The following SENP5 variants were observed in gnomAD, a reference collection of about 807,000 sequenced individuals.
SENP5 encodes sentrin-specific protease 5.
A neutral mutation model predicts 74.2 loss-of-function variants in SENP5; 21 were observed. The observed-to-expected ratio is 0.28, with a 90% confidence interval of 0.20 to 0.41. The LOEUF (loss-of-function observed/expected upper bound fraction) is 0.41, where lower values mean the gene tolerates loss of function less well. Ranked by LOEUF, SENP5 falls within the 10% of genes least tolerant of loss-of-function variation. The pLI is 1.00. For missense variants in SENP5, 717 were observed against 889.1 expected, an observed-to-expected ratio of 0.81 and a Z score of 2.46; for synonymous variants, 311 against 312.7, an observed-to-expected ratio of 0.99 and a Z score of 0.06.
intron 1 of SENP5, among the ~76,000 whole-genome samples, chr3:196,871,794 G>T (rs1339354517): frequency 6.6e-6 from 1 of 150,612 alleles, no homozygotes; most frequent in Non-Finnish European, 1.5e-5. Flanking sequence ...GGTGGAGGTT[G>T]CAGTGAGTCG....
At chr3:196,926,353 A>G (rs890184802) in intron 7 of SENP5, among the ~76,000 whole-genome samples, 2 of 151,728 alleles carry the variant, frequency 1.3e-5, no homozygotes, top group African/African-American at 4.8e-5. Context: ...ATGGTGGTGC[A>G]CGCCTGTAGT....
chr3:196,896,967 T>C (rs899837245), intron 2 of SENP5, among the ~76,000 whole-genome samples: 4 of 152,202 alleles, frequency 2.6e-5, no homozygotes, highest in African/African-American at 9.7e-5. Flanking sequence ...GAAATCCATG[T>C]TTATCATCTG....
rs1714950496 is a variant in SENP5, at chr3:196,907,467, A to G, written c.1884+3857A>G. Among the ~76,000 whole-genome samples the G allele has an allele frequency of 2.0e-5, 3 of 151,920 alleles. No homozygotes were observed. In the South Asian group the frequency reaches 6.2e-4, roughly 32 times the overall value. On this transcript the variant is annotated intron_variant, in intron 6 of 9. Coordinates refer to ENST00000323460, the MANE Select transcript of SENP5 (RefSeq NM_152699.5). ...AGACTCCGTCTCAAAAAAAAAAAAAAAAGATAATGGAAGATGCTTATATTC... is the reference window on the plus strand; with the variant it reads ...AGACTCCGTCTCAAAAAAAAAAAAAGAAGATAATGGAAGATGCTTATATTC...
At chr3:196,872,357 G>C (rs1298137424) in intron 1 of SENP5, among the ~76,000 whole-genome samples, 1 of 152,154 alleles carries the variant, frequency 6.6e-6, no homozygotes, top group African/African-American at 2.4e-5. Flanking sequence ...AACCTTCAAT[G>C]GCAGTATCTT....
chr3:196,880,727 C>T (rs183186672), intron 1 of SENP5, among the ~76,000 whole-genome samples: 4 of 146,516 alleles, frequency 2.7e-5, no homozygotes, highest in East Asian at 2.1e-4. Context: ...CTGTCACCTG[C>T]GCCTCCTGGG....
chr3:196,923,476 C>T lies in SENP5; in HGVS notation c.1947C>T (p.Leu649=). ...TTCACCTGGAAGTCCACTGGTCTCT[C>T]ATTACTGTGACACTCTCTAATCGAA... The part of the protein sequence containing the change: ...IPIHLEVHWS[L]ITVTLSNRII... The change falls in exon 7 of 10, where the codon CTC becomes CTT. Residue 649 remains leucine (L), a synonymous_variant. Transcript: ENST00000323460. The T allele has an allele frequency of 6.2e-7, 1 of 1,611,688 alleles. No homozygotes were observed. The highest frequency in any genetic ancestry group is 8.5e-7 in the Non-Finnish European group (1 of 1,178,114).
At chr3:196,889,661 T>C (rs1440978206) in intron 2 of SENP5, among the ~76,000 whole-genome samples, 1 of 152,216 alleles carries the variant, frequency 6.6e-6, no homozygotes, top group African/African-American at 2.4e-5. Context: ...TTCTTCCTCC[T>C]ACCAAATCCA....
intron 1 of SENP5, among the ~76,000 whole-genome samples, chr3:196,868,800 C>A (rs545789843): frequency 1.3e-5 from 2 of 151,816 alleles, no homozygotes; most frequent in South Asian, 4.2e-4. Flanking sequence ...AGAAAGCAGA[C>A]GTTAGTTATG....
At chr3:196,871,578 G>A (rs1302118794) in intron 1 of SENP5, among the ~76,000 whole-genome samples, 1 of 151,942 alleles carries the variant, frequency 6.6e-6, no homozygotes, top group African/African-American at 2.4e-5. Flanking sequence ...TATAATTTAC[G>A]GCCTGGTGCA....
chr3:196,898,906 G>GAGTTCATTGACTGT (rs1470983744), intron 2 of SENP5, among the ~76,000 whole-genome samples: 1 of 148,820 alleles, frequency 6.7e-6, no homozygotes, highest in African/African-American at 2.5e-5. Flanking sequence ...GATTCCATTC[G>GAGTTCATTGACTGT]TCTCTACTAA....
intron 2 of SENP5, among the ~76,000 whole-genome samples, chr3:196,889,280 ATACT>A (rs1173156003): frequency 6.6e-5 from 10 of 152,210 alleles, no homozygotes; most frequent in African/African-American, 2.4e-4. Context: ...CAGACCCATG[ATACT>A]TACACCTGAA....
chr3:196,927,820 G>A lies in SENP5; in HGVS notation c.2047G>A (p.Glu683Lys). The change falls in exon 8 of 10, where the codon GAA becomes AAA. Residue 683 changes from glutamate (E) to lysine (K), a missense_variant. Glu to Lys is a moderately conservative substitution (Grantham distance 56, BLOSUM62 1). Transcript: ENST00000323460. Reference sequence around the variant, plus strand: ...GAATATAAGAAAGTATTTGCTGACTGAAGCCAGAGAAAAAAATAGACCTGA... The same window carrying A: ...GAATATAAGAAAGTATTTGCTGACTAAAGCCAGAGAAAAAAATAGACCTGA... Reference protein sequence around the residue: ...VENIRKYLLTEAREKNRPEFL... With the variant: ...VENIRKYLLTKAREKNRPEFL... 1 of 1,611,018 alleles carries A rather than the reference G, an allele frequency of 6.2e-7. No individual in the cohort carries two copies. Among genetic ancestry groups the A allele is most frequent in the East Asian group, 2.2e-5 (1 of 44,854 alleles).
chr3:196,914,475 TAAA>T (rs890444960), intron 6 of SENP5: 1 of 135,444 alleles, frequency 7.4e-6, no homozygotes, highest in African/African-American at 2.8e-5. Flanking sequence ...TGCAAAAAAA[TAAA>T]AAGCCAGGCA....
chr3:196,878,565 G>A (rs185410111), intron 1 of SENP5, among the ~76,000 whole-genome samples: 2 of 152,062 alleles, frequency 1.3e-5, no homozygotes, highest in East Asian at 3.9e-4. Context: ...TATTGTTTTG[G>A]TATAAACAAC....
chr3:196,911,379 C>G (rs1715118013), intron 6 of SENP5, among the ~76,000 whole-genome samples: 1 of 152,024 alleles, frequency 6.6e-6, no homozygotes, highest in South Asian at 2.1e-4. Context: ...AATAAACCAT[C>G]AGAAAGTGGG....
rs995535349 is a variant in SENP5 at position 196,931,741 on chromosome 3, T to C, written c.*818T>C. On this transcript the variant is annotated 3_prime_UTR_variant, in exon 10 of 10. Coordinates refer to ENST00000323460, the MANE Select transcript of SENP5 (RefSeq NM_152699.5). ...AAAATCTTAACATCCATCAAACTAG[T>C]GGTCAAACAAATGAGAATGCAGCTG... 18 of 283,866 alleles carry C rather than the reference T, an allele frequency of 6.3e-5. No homozygotes were observed. Among genetic ancestry groups the C allele is most frequent in the Middle Eastern group, 4.1e-4 (1 of 2,428 alleles). The allele number at this position is 283,866 out of a possible 1,614,324, so 17.6% of individuals were successfully genotyped here.
intron 8 of SENP5, 154 bp from the exon 9 acceptor site, chr3:196,929,479 C>T: frequency 3.6e-6 from 2 of 553,588 alleles, no homozygotes; most frequent in Non-Finnish European, 6.4e-6. Context: ...CCAGGTGCCT[C>T]CATAAAATTA....
chr3:196,930,906 T>A lies in SENP5; in HGVS notation c.2251T>A (p.Cys751Ser). 6.2e-7 allele frequency: 1 copy of A among 1,612,404 alleles called. No individual in the cohort carries two copies. The highest frequency in any genetic ancestry group is 8.5e-7 in the Non-Finnish European group (1 of 1,178,464). ...RKRIYKELCE[C>S]RLMD ...GAGGATTTACAAGGAGCTATGTGAG[T>A]GCCGGCTCATGGACTGAAACTCAGC... Residue 751 changes from cysteine (C) to serine (S), a missense_variant, in exon 10 of 10, where the codon TGC becomes AGC. Transcript: ENST00000323460.
chr3:196,930,987 C>A lies in SENP5; in HGVS notation c.*64C>A. The A allele has an allele frequency of 2.0e-6, 2 of 994,922 alleles. No individual in the cohort carries two copies. Among genetic ancestry groups the A allele is most frequent in the Non-Finnish European group, 3.2e-6 (2 of 622,020 alleles). The allele number at this position is 994,922 out of a possible 1,614,324, so 61.6% of individuals were successfully genotyped here. The stretch of plus-strand genomic sequence containing the variant: ...GCAGATGGTTTGTTACTTGAATCTC[C>A]AAACACTTAGTTGAATTTTTACAGA... On this transcript the variant is annotated 3_prime_UTR_variant, in exon 10 of 10. Transcript: ENST00000323460.
Sources: allele counts gnomAD v4.1 joint callset (sites outside exome capture counted in the v4.1 genomes callset), GRCh38; gene constraint gnomAD v4.1.1; transcripts MANE v1.5; gene names NCBI Gene and HGNC (gene_info 2026-07-23, HGNC 2026-07-21).